Variants in NLN observed in about 807,000 individuals in gnomAD.
NLN encodes neurolysin.
NLN carries 64 observed loss-of-function variants against 79.9 expected under a neutral mutation model. The observed-to-expected ratio is 0.80, with a 90% CI of 0.65 to 0.99. NLN has a LOEUF of 0.99. Ranked by LOEUF, NLN falls within the 50% of genes least tolerant of loss-of-function variation. The pLI, the probability that NLN is intolerant of heterozygous loss-of-function variation, is 0.00. For missense variants in NLN, 835 were observed against 858.7 expected, an observed-to-expected ratio of 0.97 and a Z score of 0.34; for synonymous variants, 267 against 296.6, an observed-to-expected ratio of 0.90 and a Z score of 1.02.
intron 12 of NLN, among the ~76,000 whole-genome samples, chr5:65,815,888 A>G (rs760558364): frequency 9.2e-5 from 14 of 152,200 alleles, no homozygotes; most frequent in Non-Finnish European, 1.6e-4. Flanking sequence ...TAGTCTCCAA[A>G]AAACTTAGAT....
rs1322253564 is a variant in NLN, at chr5:65,823,664, A to G, written c.*749A>G. The G allele has an allele frequency of 6.6e-6, 1 of 152,108 alleles. No individual in the cohort carries two copies. The highest frequency in any genetic ancestry group is 2.4e-5 in the African/African-American group (1 of 41,420). 9.4% of individuals were successfully genotyped at this position (152,108 alleles called of 1,614,324 possible). A position where few individuals can be genotyped will look rare whatever the true frequency, so the allele number is the denominator to read the frequency against. ...GAGGCTCATTTCCACCTCAGCATAC[A>G]AGATCGTTAGTCTTTTGGCATGTGT... is the stretch of plus-strand genomic sequence containing the variant. On this transcript the variant is annotated 3_prime_UTR_variant, in exon 13 of 13. Transcript: ENST00000380985.
At chr5:65,753,512 T>G (rs1467363837) in intron 1 of NLN, among the ~76,000 whole-genome samples, 1 of 152,052 alleles carries the variant, frequency 6.6e-6, no homozygotes, top group Non-Finnish European at 1.5e-5. Context: ...TAGTCAGGCA[T>G]GGTGGCACAA....
chr5:65,724,804 CTTTT>C (rs558656791), intron 1 of NLN, among the ~76,000 whole-genome samples: 1 of 126,382 alleles, frequency 7.9e-6, no homozygotes, highest in Non-Finnish European at 1.7e-5. Flanking sequence ...TTTTTTTTTT[CTTTT>C]TTTTTTTTTT....
intron 1 of NLN, among the ~76,000 whole-genome samples, chr5:65,751,065 T>C (rs922279477): frequency 8.5e-5 from 13 of 152,190 alleles, no homozygotes; most frequent in Non-Finnish European, 1.5e-5. Flanking sequence ...AATTCCGGTC[T>C]TGTGGGGAGA....
chr5:65,786,072 G>T (rs1759914709), intron 7 of NLN, 162 bp downstream of exon 7: 3 of 547,026 alleles, frequency 5.5e-6, no homozygotes, highest in Non-Finnish European at 9.2e-6. Flanking sequence ...TTGGTTGTAG[G>T]GACTGCTTAT....
chr5:65,743,103 G>T (rs1468928312), intron 1 of NLN, among the ~76,000 whole-genome samples: 1 of 152,190 alleles, frequency 6.6e-6, no homozygotes, highest in Admixed American at 6.5e-5. Context: ...AGAATTACAA[G>T]GAAAAATGTC....
At chr5:65,732,522 C>G (rs1316542225) in intron 1 of NLN, among the ~76,000 whole-genome samples, 1 of 142,490 alleles carries the variant, frequency 7.0e-6, no homozygotes, top group Non-Finnish European at 1.6e-5. Flanking sequence ...CTCTAATTCT[C>G]TGTCTGTAAA....
intron 3 of NLN, among the ~76,000 whole-genome samples, chr5:65,775,870 A>G (rs34976): frequency 0.57 from 87,396 of 152,120 alleles, 25,432 homozygotes; most frequent in South Asian, 0.62. Context: ...AGGTTGCTGT[A>G]GAAAAAGGAG....
chr5:65,805,408 A>T (rs1382369376), intron 9 of NLN, among the ~76,000 whole-genome samples: 3 of 152,260 alleles, frequency 2.0e-5, no homozygotes, highest in African/African-American at 7.2e-5. Context: ...GAAAGTTATT[A>T]CAAGTGCTAC....
At position 65,825,689 on chromosome 5, in the gene NLN, A is replaced by G. The variant is rs966124925; in HGVS notation, c.*2774A>G. 2.6e-5 allele frequency: 4 copies of G among 152,194 alleles called. No individual in the cohort carries two copies. Among genetic ancestry groups the G allele is most frequent in the African/African-American group, 9.7e-5 (4 of 41,448 alleles). The allele number at this position is 152,194 out of a possible 1,614,324, so 9.4% of individuals were successfully genotyped here. ...GAGGTGGATATCTGTAGCTCTTCGG[A>G]TGAAAAATTGCATTGTGGGAGATAC... On this transcript the variant is annotated 3_prime_UTR_variant, in exon 13 of 13. Transcript: ENST00000380985.
chr5:65,747,359 A>G (rs536221286), intron 1 of NLN, among the ~76,000 whole-genome samples: 1 of 152,324 alleles, frequency 6.6e-6, no homozygotes, highest in East Asian at 1.9e-4. Flanking sequence ...AACTCAAATC[A>G]GAGGCCATGA....
intron 1 of NLN, among the ~76,000 whole-genome samples, chr5:65,734,984 AGCTCCTGAG>A (rs796726420): frequency 2.6e-5 from 4 of 152,368 alleles, no homozygotes; most frequent in African/African-American, 9.6e-5. Flanking sequence ...CCAATTGGAC[AGCTCCTGAG>A]GTCTCACAGT....
chr5:65,759,835 C>A (rs970348611), intron 2 of NLN, among the ~76,000 whole-genome samples: 49 of 152,140 alleles, frequency 3.2e-4, no homozygotes, highest in Admixed American at 2.0e-4. Flanking sequence ...GGGTTTATAG[C>A]TAATTTTTAC....
intron 7 of NLN, among the ~76,000 whole-genome samples, chr5:65,787,477 C>A (rs566094898): frequency 1.6e-4 from 24 of 152,156 alleles, no homozygotes; most frequent in African/African-American, 5.5e-4. Context: ...TTTATCGTAA[C>A]GTATGTAACA....
At chr5:65,810,981 A>G (rs1760531578) in intron 11 of NLN, among the ~76,000 whole-genome samples, 1 of 152,174 alleles carries the variant, frequency 6.6e-6, no homozygotes, top group African/African-American at 2.4e-5. Context: ...CCTGTCTCAA[A>G]AAAAATAAAG....
chr5:65,723,630 C>T (rs1430708788), intron 1 of NLN, among the ~76,000 whole-genome samples: 2 of 151,678 alleles, frequency 1.3e-5, no homozygotes, highest in South Asian at 2.1e-4. Flanking sequence ...CTGGCTAACA[C>T]GGTGAAACCC....
At chr5:65,722,507 G>C (rs1479002053) in intron 1 of NLN, 93 bp downstream of exon 1, 2 of 1,180,916 alleles carry the variant, frequency 1.7e-6, no homozygotes, top group Non-Finnish European at 2.4e-6. Context: ...CTTCCCGACC[G>C]CGCCTCTCCG....
intron 9 of NLN, among the ~76,000 whole-genome samples, chr5:65,801,138 C>CA (rs1202448775): frequency 1.3e-5 from 2 of 152,116 alleles, no homozygotes; most frequent in Non-Finnish European, 2.9e-5. Context: ...GTGTCAGCTA[C>CA]AAAAAATATT....
intron 8 of NLN, among the ~76,000 whole-genome samples, chr5:65,789,030 TGCTGAA>T (rs1759998346): frequency 6.6e-6 from 1 of 151,868 alleles, no homozygotes; most frequent in South Asian, 2.1e-4. Flanking sequence ...GTCCTAGCTG[TGCTGAA>T]GCAGGAGGAT....
Sources: allele counts gnomAD v4.1 joint callset (sites outside exome capture counted in the v4.1 genomes callset), GRCh38; gene constraint gnomAD v4.1.1; transcripts MANE v1.5; gene names NCBI Gene and HGNC (gene_info 2026-07-23, HGNC 2026-07-21).